Variants in NOSIP observed in about 807,000 individuals in gnomAD.
NOSIP encodes the protein nitric oxide synthase interacting protein.
NOSIP carries 25 observed loss-of-function variants against 36.4 expected under a neutral mutation model. That is an observed-to-expected ratio of 0.69 (90% CI 0.50 to 0.96). The LOEUF (loss-of-function observed/expected upper bound fraction) is 0.96, where lower values mean the gene tolerates loss of function less well. Ranked by LOEUF, NOSIP falls within the 40% of genes least tolerant of loss-of-function variation. The probability of loss-of-function intolerance (pLI) is 0.00; values close to 1 mark genes in which losing one functional copy is unlikely to be tolerated. For synonymous variants in NOSIP, 187 were observed against 179.2 expected (o/e 1.04, Z -0.35); for missense variants, 370 against 429.0 (o/e 0.86, Z 1.21).
At chr19:49,576,776 C>T (rs888551942) in intron 1 of NOSIP, among the ~76,000 whole-genome samples, 9 of 149,570 alleles carry the variant, frequency 6.0e-5, no homozygotes, top group Non-Finnish European at 7.4e-5. Flanking sequence ...CCCAGCTACT[C>T]GGGAGGCTGA....
At chr19:49,559,793 G>C (rs1166257185) in intron 3 of NOSIP, 141 bp downstream of exon 3, 2 of 684,726 alleles carry the variant, frequency 2.9e-6, no homozygotes, top group African/African-American at 1.8e-5. Context: ...TGTCCCATGT[G>C]AGAATACAGA....
At chr19:49,563,448 G>A (rs1269110948) in intron 1 of NOSIP, among the ~76,000 whole-genome samples, 2 of 151,680 alleles carry the variant, frequency 1.3e-5, no homozygotes, top group Non-Finnish European at 2.9e-5. Context: ...GGGATTACAG[G>A]TGTGAGCCAC....
chr19:49,569,187 C>T (rs1220462401), intron 1 of NOSIP, among the ~76,000 whole-genome samples: 1 of 146,668 alleles, frequency 6.8e-6, no homozygotes, highest in Admixed American at 6.9e-5. Flanking sequence ...ATCTACTGTG[C>T]ATACAATGAT....
intron 1 of NOSIP, among the ~76,000 whole-genome samples, chr19:49,561,092 A>G: frequency 6.6e-6 from 1 of 152,084 alleles, no homozygotes; most frequent in East Asian, 1.9e-4. Context: ...CCCCTCTCAT[A>G]TCTGTAAGCT....
chr19:49,570,577 A>G (rs938508815), intron 1 of NOSIP, among the ~76,000 whole-genome samples: 3 of 151,780 alleles, frequency 2.0e-5, no homozygotes, highest in Non-Finnish European at 4.4e-5. Flanking sequence ...TGAGGCAGCC[A>G]GGGCTGCTTG....
At chr19:49,575,956 C>T (rs1387921539) in intron 1 of NOSIP, among the ~76,000 whole-genome samples, 2 of 151,970 alleles carry the variant, frequency 1.3e-5, no homozygotes, top group Non-Finnish European at 2.9e-5. Context: ...ACGGTGAAAC[C>T]CCGTCTCTAC....
At chr19:49,562,482 T>C (rs1464816375) in intron 1 of NOSIP, among the ~76,000 whole-genome samples, 1 of 151,562 alleles carries the variant, frequency 6.6e-6, no homozygotes, top group Non-Finnish European at 1.5e-5. Context: ...CTCACGCCTG[T>C]AATCCCAAAA....
chr19:49,559,791 G>A, intron 3 of NOSIP, 143 bp downstream of exon 3: 1 of 682,552 alleles, frequency 1.5e-6, no homozygotes, highest in South Asian at 1.6e-5. Context: ...CATGTCCCAT[G>A]TGAGAATACA....
intron 1 of NOSIP, among the ~76,000 whole-genome samples, chr19:49,562,587 A>G (rs1176841545): frequency 6.6e-6 from 1 of 152,146 alleles, no homozygotes; most frequent in Non-Finnish European, 1.5e-5. Flanking sequence ...ATTTAAAAAC[A>G]AAGAAGTTGA....
At chr19:49,557,698 C>T (rs774144400) in intron 4 of NOSIP, 224 of 1,000,354 alleles carry the variant, frequency 2.2e-4, no homozygotes, top group Non-Finnish European at 2.6e-4. Flanking sequence ...ATGTAGACTT[C>T]AGATCTAAGG....
At chr19:49,580,353 T>C (rs1329401369) in intron 1 of NOSIP, among the ~76,000 whole-genome samples, 162 bp downstream of exon 1, 1 of 151,912 alleles carries the variant, frequency 6.6e-6, no homozygotes, top group African/African-American at 2.4e-5. Context: ...CAGCAGAGTG[T>C]AGTTCAGCTT....
chr19:49,578,343 C>G (rs570021559), intron 1 of NOSIP, among the ~76,000 whole-genome samples: 1 of 152,048 alleles, frequency 6.6e-6, no homozygotes, highest in Non-Finnish European at 1.5e-5. Context: ...AGGCTGGTTT[C>G]GAACTCCTGA....
At chr19:49,565,188 C>T (rs1323053475) in intron 1 of NOSIP, among the ~76,000 whole-genome samples, 2 of 151,860 alleles carry the variant, frequency 1.3e-5, no homozygotes, top group Non-Finnish European at 2.9e-5. Context: ...AGATGGATCA[C>T]CTGAGCCCAG....
Position 49,556,562 on chromosome 19 carries a change from C to T in NOSIP, c.712G>A (p.Val238Met). 2 of 1,604,786 alleles carry T rather than the reference C, an allele frequency of 1.2e-6. No homozygotes were observed. The highest frequency in any genetic ancestry group is 1.7e-4 in the Middle Eastern group (1 of 6,052). The change falls in exon 7 of 9, where the codon GTG (valine) becomes ATG (methionine). Residue 238 changes from valine (V) to methionine (M), a missense_variant. This residue lies in a region of NOSIP where 315 missense variants were observed against 331.9 expected (regional missense o/e 0.95). Coordinates refer to ENST00000596358, the MANE Select transcript of NOSIP (RefSeq NM_001270960.2). ...CAGGTGACTCACGAGGGCCGCAGCA[C>T]AGCGCAGGGGGTGGCGTTGCTCAGG... ...DSLSNATPCA[V>M]LRPSGAVVTL...
chr19:49,556,202 A>C, intron 8 of NOSIP, 115 bp downstream of exon 8: 2 of 488,688 alleles, frequency 4.1e-6, no homozygotes, highest in Non-Finnish European at 7.3e-6. Flanking sequence ...AGAGCAGAGA[A>C]GAAGGCGGGG....
chr19:49,564,170 A>C (rs547367674), intron 1 of NOSIP, among the ~76,000 whole-genome samples: 3 of 152,108 alleles, frequency 2.0e-5, no homozygotes, highest in Non-Finnish European at 4.4e-5. Context: ...AACTTCACTG[A>C]AGGCCGAGCA....
intron 1 of NOSIP, among the ~76,000 whole-genome samples, chr19:49,563,496 C>CTTTT (rs35076085): frequency 1.5e-5 from 2 of 135,842 alleles, no homozygotes; most frequent in Non-Finnish European, 3.2e-5. Context: ...CTTGAAAATT[C>CTTTT]TTTTTTTTTT....
At chr19:49,569,025 A>C (rs2080449628) in intron 1 of NOSIP, among the ~76,000 whole-genome samples, 1 of 150,750 alleles carries the variant, frequency 6.6e-6, no homozygotes, top group Non-Finnish European at 1.5e-5. Flanking sequence ...ATGGTCTCGA[A>C]CTCCTGACCT....
At chr19:49,579,636 C>G (rs945707846) in intron 1 of NOSIP, among the ~76,000 whole-genome samples, 1 of 152,174 alleles carries the variant, frequency 6.6e-6, no homozygotes, top group Non-Finnish European at 1.5e-5. Context: ...GGAACACTCA[C>G]GCTATTTTCC....
Sources: allele counts gnomAD v4.1 joint callset (sites outside exome capture counted in the v4.1 genomes callset), GRCh38; gene constraint gnomAD v4.1.1; regional missense constraint gnomAD v4.1.1; transcripts MANE v1.5; gene names NCBI Gene and HGNC (gene_info 2026-07-23, HGNC 2026-07-21).